The following MANSC4 variants were observed in gnomAD, a reference collection of about 807,000 sequenced individuals.
The protein encoded by MANSC4 is MANSC domain containing 4, also known as MANSC domain-containing protein 4.
A neutral mutation model predicts 11.4 loss-of-function variants in MANSC4; 11 were observed. That is an observed-to-expected ratio of 0.97 (90% CI 0.61 to 1.60). MANSC4 has a LOEUF of 1.60. MANSC4 is among the 40% of genes most tolerant of loss of function. MANSC4 has a pLI of 0.00. For missense variants in MANSC4, 354 were observed against 404.6 expected (o/e 0.88, Z 1.07); for synonymous variants, 123 against 147.1 (o/e 0.84, Z 1.19).
chr12:27,763,309 A>G lies in MANSC4; in HGVS notation c.452T>C (p.Ile151Thr), dbSNP rs778736951. The change falls in exon 4 of 4, where the codon ATT becomes ACT. Residue 151 changes from isoleucine (I) to threonine (T), a missense_variant. By Grantham distance (89) the Ile-to-Thr change is moderately conservative (BLOSUM62 -1). Transcript: ENST00000381273. ...SSSNRWDRLR[I>T]LKAMNLDKQT... ...TTTATCTAAATTCATAGCTTTTAGA[A>G]TCCTTAGTCTGTCCCATCTATTGGA... 7.1e-6 allele frequency: 11 copies of G among 1,551,750 alleles called. No homozygotes were observed. The highest frequency in any genetic ancestry group is 9.6e-6 in the Non-Finnish European group (11 of 1,146,988).
At chr12:27,767,657 A>T (rs2062078895) in intron 2 of MANSC4, among the ~76,000 whole-genome samples, 1 of 152,112 alleles carries the variant, frequency 6.6e-6, no homozygotes. Flanking sequence ...AGATCACGCC[A>T]TTGCACTCCA....
Position 27,780,171 on chromosome 12 carries a change from G to A in MANSC4, c.-307+39C>T, listed in dbSNP as rs943591046. 3.6e-5 allele frequency: 13 copies of A among 359,672 alleles called. No homozygotes were observed. The highest frequency in any genetic ancestry group is 2.2e-5 in the African/African-American group (1 of 45,866). The allele number at this position is 359,672 out of a possible 1,614,324, so 22.3% of individuals were successfully genotyped here. ...CGCGGGAGCGGGCCCCGGGAGGAGGGGCCGCCGGAGAGGCCGGGCGAGCGC... is the reference window on the plus strand; with the variant it reads ...CGCGGGAGCGGGCCCCGGGAGGAGGAGCCGCCGGAGAGGCCGGGCGAGCGC... On this transcript the variant is annotated intron_variant, in intron 1 of 3. Transcript: ENST00000381273. The surrounding 1 kb of genome is among the most constrained non-coding windows in gnomAD (Gnocchi z 8.8).
intron 1 of MANSC4, among the ~76,000 whole-genome samples, chr12:27,778,997 T>A (rs2062131718): frequency 6.6e-6 from 1 of 152,094 alleles, no homozygotes; most frequent in Admixed American, 6.5e-5. Context: ...GCCTCCCGAG[T>A]AGCTGGGATC....
Position 27,763,129 on chromosome 12 carries a change from G to C in MANSC4, c.632C>G (p.Thr211Ser), listed in dbSNP as rs1262708949. 6 of 1,551,544 alleles carry C rather than the reference G, an allele frequency of 3.9e-6. No homozygotes were observed. Among genetic ancestry groups the C allele is most frequent in the Non-Finnish European group, 5.2e-6 (6 of 1,147,018 alleles). The change falls in exon 4 of 4, where the codon ACC becomes AGC. Residue 211 changes from threonine to serine, a missense_variant. Physicochemically the swap from Thr to Ser is moderately conservative, Grantham distance 58 (BLOSUM62 1). Transcript: ENST00000381273. Reference sequence around the variant, plus strand: ...TGGTGACACCTTATTTATCTTTGTGGTAATGGACTCATTCAGGGAAGTAAA... The same window carrying C: ...TGGTGACACCTTATTTATCTTTGTGCTAATGGACTCATTCAGGGAAGTAAA... The part of the protein sequence containing the change: ...ARFTSLNESI[T>S]TKINKVSPST...
chr12:27,769,482 C>G (rs964346165), intron 2 of MANSC4, among the ~76,000 whole-genome samples: 1 of 152,158 alleles, frequency 6.6e-6, no homozygotes, highest in African/African-American at 2.4e-5. Context: ...CTTACAGTAT[C>G]CCCGACAGTC....
Position 27,771,079 on chromosome 12 carries a change from C to A in MANSC4, c.198G>T (p.Lys66Asn). ...LKYYSESTGQ[K>N]CSRSCCLRKD... ...TCCGAAGACAGCAGCTCCTACTGCACTTCTGGCCAGTGCTTTCAGAATAAT... is the reference window on the plus strand; with the variant it reads ...TCCGAAGACAGCAGCTCCTACTGCAATTCTGGCCAGTGCTTTCAGAATAAT... The change falls in exon 2 of 4, where the codon AAG (lysine) becomes AAT (asparagine). Residue 66 changes from lysine to asparagine, a missense_variant. Coordinates refer to ENST00000381273, the MANE Select transcript of MANSC4 (RefSeq NM_001146221.5). 3.2e-6 allele frequency: 5 copies of A among 1,551,754 alleles called. No homozygotes were observed. Among genetic ancestry groups the A allele is most frequent in the Non-Finnish European group, 4.4e-6 (5 of 1,146,998 alleles).
At chr12:27,771,856 C>T (rs547355536) in intron 1 of MANSC4, among the ~76,000 whole-genome samples, 2 of 152,070 alleles carry the variant, frequency 1.3e-5, no homozygotes, top group South Asian at 4.1e-4. Context: ...AATTTTTTTG[C>T]ACTGGTTTGG....
At chr12:27,778,822 G>C (rs989545671) in intron 1 of MANSC4, among the ~76,000 whole-genome samples, 4 of 152,126 alleles carry the variant, frequency 2.6e-5, no homozygotes, top group African/African-American at 9.7e-5. Flanking sequence ...ATTATTATTT[G>C]GGGTGGGCCT....
chr12:27,778,819 T>G (rs1239622925), intron 1 of MANSC4, among the ~76,000 whole-genome samples: 3 of 152,222 alleles, frequency 2.0e-5, no homozygotes, highest in Non-Finnish European at 4.4e-5. Flanking sequence ...CCTATTATTA[T>G]TTGGGGTGGG....
In MANSC4 at chr12:27,763,064, A is replaced by T. The variant is rs896464273; in HGVS notation, c.697T>A (p.Ser233Thr). The T allele has an allele frequency of 1.3e-6, 2 of 1,551,598 alleles. No individual in the cohort carries two copies. Among genetic ancestry groups the T allele is most frequent in the African/African-American group, 2.7e-5 (2 of 73,052 alleles). The change falls in exon 4 of 4, where the codon TCT (serine) becomes ACT (threonine). Residue 233 changes from serine to threonine, a missense_variant. Ser to Thr is a moderately conservative substitution (Grantham distance 58). Transcript: ENST00000381273. Reference sequence around the variant, plus strand: ...GTGTCTATGGGTTCAAAGAAAGGAGAAATAGTCTTATTATCTGGATTGCTG... The same window carrying T: ...GTGTCTATGGGTTCAAAGAAAGGAGTAATAGTCTTATTATCTGGATTGCTG... ...FISNPDNKTI[S>T]PFFEPIDTKL...
At chr12:27,770,129 C>T (rs1425619273) in intron 2 of MANSC4, among the ~76,000 whole-genome samples, 1 of 152,048 alleles carries the variant, frequency 6.6e-6, no homozygotes, top group African/African-American at 2.4e-5. Flanking sequence ...TAATACATTC[C>T]ACATTTGGTA....
In MANSC4 at chr12:27,771,528, C is replaced by T. The variant is rs973602496; in HGVS notation, c.-252G>A. Among the ~76,000 whole-genome samples the T allele has an allele frequency of 6.6e-6, 1 of 152,318 alleles. No individual in the cohort carries two copies. The highest frequency in any genetic ancestry group is 2.1e-4 in the South Asian group (1 of 4,820). On this transcript the variant is annotated 5_prime_UTR_variant, in exon 2 of 4. Transcript: ENST00000381273. ...GAACACTTTCCAGGCTATTTCAATA[C>T]CCTGTCCCTTAGCATCTTAAGACGT... is the stretch of plus-strand genomic sequence containing the variant.
Position 27,780,091 on chromosome 12 carries a change from C to T in MANSC4, c.-307+119G>A, listed in dbSNP as rs867318364. ...AGCCCGCGCGAGGACGCCCGCCGCG[C>T]TCCGCCGGCCCTTTTTTGGCGCTGA... On this transcript the variant is annotated intron_variant, in intron 1 of 3. Transcript: ENST00000381273. This position sits in a 1 kb window ranked among gnomAD's most constrained non-coding sequence, Gnocchi z 8.8. 61 of 172,584 alleles carry T rather than the reference C, an allele frequency of 3.5e-4. No homozygotes were observed. The highest frequency in any genetic ancestry group is 1.3e-4 in the Non-Finnish European group (11 of 82,718). The allele number at this position is 172,584 out of a possible 1,614,324, so 10.7% of individuals were successfully genotyped here.
At chr12:27,768,985 C>T (rs915782374) in intron 2 of MANSC4, among the ~76,000 whole-genome samples, 3 of 152,124 alleles carry the variant, frequency 2.0e-5, no homozygotes, top group African/African-American at 7.2e-5. Flanking sequence ...TACCAGACCT[C>T]AAAGCATGCC....
At chr12:27,772,112 T>C (rs2062103358) in intron 1 of MANSC4, among the ~76,000 whole-genome samples, 1 of 152,186 alleles carries the variant, frequency 6.6e-6, no homozygotes, top group South Asian at 2.1e-4. Flanking sequence ...TTTAAATTTC[T>C]AAATAGTAAT....
At chr12:27,765,776 C>T (rs1426319370) in intron 3 of MANSC4, among the ~76,000 whole-genome samples, 1 of 152,168 alleles carries the variant, frequency 6.6e-6, no homozygotes, top group Non-Finnish European at 1.5e-5. Context: ...TCAATACATA[C>T]AAACTGATAA....
Position 27,763,316 on chromosome 12 carries a change from G to C in MANSC4, c.445C>G (p.Leu149Val). ...TRSSSNRWDRLRILKAMNLDK... is the reference protein window; with the variant it reads ...TRSSSNRWDRVRILKAMNLDK... ...AAATTCATAGCTTTTAGAATCCTTA[G>C]TCTGTCCCATCTATTGGATGAAGAA... The change falls in exon 4 of 4, where the codon CTA (leucine) becomes GTA (valine). Residue 149 changes from leucine (L) to valine (V), a missense_variant. Coordinates refer to ENST00000381273, the MANE Select transcript of MANSC4 (RefSeq NM_001146221.5). 1 of 1,551,720 alleles carries C rather than the reference G, an allele frequency of 6.4e-7. No homozygotes were observed. Among genetic ancestry groups the C allele is most frequent in the Non-Finnish European group, 8.7e-7 (1 of 1,146,992 alleles).
Position 27,771,340 on chromosome 12 carries a change from GT to G in MANSC4, c.-65del. 7.2e-7 allele frequency: 1 copy of G among 1,386,904 alleles called. No individual in the cohort carries two copies. The highest frequency in any genetic ancestry group is 9.8e-7 in the Non-Finnish European group (1 of 1,016,018). The allele number at this position is 1,386,904 out of a possible 1,614,324, so 85.9% of individuals were successfully genotyped here. ...TTCCAGACAGAAGCTGAACACTGGA[GT>G]TTAGGACAGTCTCTGGAACGTCAGA... On this transcript the variant is annotated 5_prime_UTR_variant, in exon 2 of 4. Coordinates refer to ENST00000381273, the MANE Select transcript of MANSC4 (RefSeq NM_001146221.5).
At chr12:27,774,407 T>A (rs1591810915) in intron 1 of MANSC4, among the ~76,000 whole-genome samples, 9 of 150,814 alleles carry the variant, frequency 6.0e-5, no homozygotes, top group Admixed American at 5.2e-4. Flanking sequence ...CTGAAAAACT[T>A]AAATGTTTTT....
Sources: gnomAD v4.1 joint callset for allele counts (sites outside exome capture counted in the v4.1 genomes callset) on GRCh38, gnomAD v4.1.1 for gene constraint, Gnocchi (gnomAD v3.1) non-coding constraint, MANE v1.5 for transcripts, NCBI Gene and HGNC (gene_info 2026-07-23, HGNC 2026-07-21) for gene names.